The following U2AF2 variants were observed in gnomAD, a reference collection of about 807,000 sequenced individuals.
U2AF2 encodes splicing factor U2AF 65 kDa subunit.
U2AF2 carries 6 observed loss-of-function variants against 52.6 expected under a neutral mutation model. The ratio of observed to expected loss-of-function variants is 0.11; its 90% CI spans 0.06 to 0.23. The LOEUF (loss-of-function observed/expected upper bound fraction) is 0.23. Among genes scored for constraint, U2AF2 ranks in the 10% least tolerant of loss-of-function variants. The pLI is 1.00. For synonymous variants in U2AF2, 284 were observed against 258.2 expected (o/e 1.10, Z -0.96); for missense variants, 222 against 677.1 (o/e 0.33, Z 7.46).
intron 1 of U2AF2, among the ~76,000 whole-genome samples, chr19:55,656,854 T>TGCTTAGAGAGGAGGGTCTTCC (rs1281633671): frequency 2.0e-5 from 3 of 152,224 alleles, no homozygotes; most frequent in Non-Finnish European, 2.9e-5. Context: ...TAAAATTCCA[T>TGCTTAGAGAGGAGGGTCTTCC]GCTTAGAGAG....
In U2AF2 at chr19:55,668,795, G is replaced by A. The variant is rs1480967661; in HGVS notation, c.945+3G>A. 1 of 1,610,486 alleles carries A rather than the reference G, an allele frequency of 6.2e-7. No individual in the cohort carries two copies. Among genetic ancestry groups the A allele is most frequent in the South Asian group, 1.1e-5 (1 of 90,966 alleles). ...TGGACATCAACGTCACGGATCAGGT[G>A]AGTCCCCGGTCGCTGGCCGCTGCCG... is the stretch of plus-strand genomic sequence containing the variant. On this transcript the variant is annotated splice_donor_region_variant and intron_variant, in intron 9 of 11. Transcript: ENST00000308924. The surrounding 1 kb of genome is among the most constrained non-coding windows in gnomAD (Gnocchi z 5.5).
chr19:55,668,631 C>T lies in U2AF2; in HGVS notation c.823-39C>T. 1 of 1,600,162 alleles carries T rather than the reference C, an allele frequency of 6.2e-7. No homozygotes were observed. The highest frequency in any genetic ancestry group is 1.3e-5 in the African/African-American group (1 of 74,688). On this transcript the variant is annotated intron_variant, in intron 8 of 11. Transcript: ENST00000308924. This position sits in a 1 kb window ranked among gnomAD's most constrained non-coding sequence, Gnocchi z 5.5. ...CCAGACCCGTCCCCCCACCCCGCCC[C>T]ACCTCATCCCAGCCCTGATGGACTC... is the stretch of plus-strand genomic sequence containing the variant.
chr19:55,665,078 T>A lies in U2AF2; in HGVS notation c.742+1334T>A, dbSNP rs377286405. 3.9e-5 allele frequency among the ~76,000 whole-genome samples: 6 copies of A among 152,346 alleles called. No homozygotes were observed. The South Asian group carries it at 1.2e-3, about 32-fold the overall frequency. The stretch of plus-strand genomic sequence containing the variant: ...CTAACCTTTTGGAGCCTGTAATATA[T>A]GTTGACATGCTCCCAATCGACATGG... On this transcript the variant is annotated intron_variant, in intron 7 of 11. Coordinates refer to ENST00000308924, the MANE Select transcript of U2AF2 (RefSeq NM_007279.3).
intron 1 of U2AF2, among the ~76,000 whole-genome samples, chr19:55,656,063 G>T (rs935479824): frequency 1.3e-5 from 2 of 152,192 alleles, no homozygotes; most frequent in African/African-American, 4.8e-5. Context: ...TGGGAGGCAG[G>T]TTCCCTTCAG....
At position 55,668,499 on chromosome 19, in the gene U2AF2, A is replaced by T. The variant is rs747372534; in HGVS notation, c.743-8A>T. Reference sequence around the variant, plus strand: ...TGGAATTGAAGTCCTCCTCTTCTCTACCCATAGGGGTTGTGTCCACTGTGG... The same window carrying T: ...TGGAATTGAAGTCCTCCTCTTCTCTTCCCATAGGGGTTGTGTCCACTGTGG... On this transcript the variant is annotated splice_region_variant and splice_polypyrimidine_tract_variant and intron_variant, in intron 7 of 11. Coordinates refer to ENST00000308924, the MANE Select transcript of U2AF2 (RefSeq NM_007279.3). This position sits in a 1 kb window ranked among gnomAD's most constrained non-coding sequence, Gnocchi z 5.5. 4 of 1,585,954 alleles carry T rather than the reference A, an allele frequency of 2.5e-6. No homozygotes were observed. In the South Asian group the frequency reaches 4.6e-5, roughly 18 times the overall value.
At chr19:55,666,848 G>A (rs554190207) in intron 7 of U2AF2, among the ~76,000 whole-genome samples, 4 of 152,356 alleles carry the variant, frequency 2.6e-5, no homozygotes, top group African/African-American at 9.6e-5. Flanking sequence ...GGCAGAGCCT[G>A]CAGCCTGCCA....
chr19:55,673,527 C>T (rs912344124), intron 11 of U2AF2, among the ~76,000 whole-genome samples: 5 of 152,170 alleles, frequency 3.3e-5, no homozygotes, highest in African/African-American at 1.2e-4. Flanking sequence ...AATTTCTGAG[C>T]TTCCCTTAGT....
At chr19:55,659,137 C>A in intron 1 of U2AF2, 73 bp from the exon 2 acceptor site, 1 of 1,425,152 alleles carries the variant, frequency 7.0e-7, no homozygotes, top group Non-Finnish European at 9.3e-7. Flanking sequence ...GACATAGCCA[C>A]CAGCGCGCAG....
Position 55,660,501 on chromosome 19 carries a change from T to TCCC in U2AF2, c.231-14_231-12dup. 4.6e-6 allele frequency: 2 copies of TCCC among 438,256 alleles called. No homozygotes were observed. Among genetic ancestry groups the TCCC allele is most frequent in the Non-Finnish European group, 7.9e-6 (2 of 254,448 alleles). 27.1% of individuals were successfully genotyped at this position (438,256 alleles called of 1,614,324 possible). A position where few individuals can be genotyped will look rare whatever the true frequency, so the allele number is the denominator to read the frequency against. ...GAGGTTGCCCTGCCCCGCTCTCCCC[T>TCCC]CCCACCTCCCCCAGTCGTTCCCCCC... is the stretch of plus-strand genomic sequence containing the variant. On this transcript the variant is annotated splice_polypyrimidine_tract_variant and intron_variant, in intron 3 of 11. Transcript: ENST00000308924.
chr19:55,655,829 C>G (rs1983758330), intron 1 of U2AF2, among the ~76,000 whole-genome samples: 1 of 152,238 alleles, frequency 6.6e-6, no homozygotes, highest in African/African-American at 2.4e-5. Flanking sequence ...CATCTGCATT[C>G]TTTGAGTGTC....
chr19:55,665,923 G>T (rs964633443), intron 7 of U2AF2, among the ~76,000 whole-genome samples: 2 of 152,178 alleles, frequency 1.3e-5, no homozygotes, highest in African/African-American at 2.4e-5. Flanking sequence ...GATTATAGGC[G>T]TGAGCCACTG....
intron 6 of U2AF2, among the ~76,000 whole-genome samples, chr19:55,663,221 G>T (rs1298672975): frequency 6.6e-6 from 1 of 152,148 alleles, no homozygotes. Flanking sequence ...CCTCACTGCA[G>T]TCCACTTGCA....
chr19:55,662,525 C>T lies in U2AF2; in HGVS notation c.510C>T (p.Asn170=), dbSNP rs137890921. 158 of 1,373,402 alleles carry T rather than the reference C, an allele frequency of 1.2e-4. No homozygotes were observed. Among genetic ancestry groups the T allele is most frequent in the South Asian group, 2.4e-4 (21 of 87,696 alleles). 85.1% of individuals were successfully genotyped at this position (1,373,402 alleles called of 1,614,324 possible). ...ITEEAMMDFF[N]AQMRLGGLTQ... is the part of the protein sequence containing the mutation. ...AGGAGGCCATGATGGATTTCTTCAA[C>T]GCCCAGATGCGCCTGGGGGGGCTGA... Residue 170 remains asparagine, a synonymous_variant, in exon 6 of 12, where the codon AAC becomes AAT. Coordinates refer to ENST00000308924, the MANE Select transcript of U2AF2 (RefSeq NM_007279.3).
At chr19:55,660,684 A>G (rs1984125658) in intron 4 of U2AF2, 65 bp downstream of exon 4, 7 of 1,464,896 alleles carry the variant, frequency 4.8e-6, no homozygotes, top group African/African-American at 1.4e-5. Flanking sequence ...TCCGTCAGTC[A>G]TTCCCCTGCG....
At chr19:55,663,423 G>T (rs574066513) in intron 6 of U2AF2, among the ~76,000 whole-genome samples, 183 bp from the exon 7 acceptor site, 1 of 152,124 alleles carries the variant, frequency 6.6e-6, no homozygotes, top group Admixed American at 6.5e-5. Context: ...TTTAATGGTC[G>T]AGTGTGAGCT....
chr19:55,660,520 T>TTCCC lies in U2AF2; in HGVS notation c.235_236insTCCC (p.Ser79PhefsTer13). 1 of 932,990 alleles carries TTCCC rather than the reference T, an allele frequency of 1.1e-6. No individual in the cohort carries two copies. The highest frequency in any genetic ancestry group is 1.5e-5 in the South Asian group (1 of 67,048). The allele number at this position is 932,990 out of a possible 1,614,324, so 57.8% of individuals were successfully genotyped here. ...CTCCCCTCCCACCTCCCCCAGTCGT[T>TTCCC]CCCCCCGCCACGAGAAGAAGAAGAA... On this transcript the variant is annotated frameshift_variant, in exon 4 of 12. Transcript: ENST00000308924. LOFTEE classifies it high-confidence loss of function.
At chr19:55,655,265 C>G (rs965229382) in intron 1 of U2AF2, 112 bp downstream of exon 1, 1 of 1,219,506 alleles carries the variant, frequency 8.2e-7, no homozygotes, top group Non-Finnish European at 1.1e-6. Flanking sequence ...CGCGGCGCCC[C>G]CCAACCCTGG....
intron 7 of U2AF2, chr19:55,664,187 T>G (rs897801792): frequency 5.8e-6 from 1 of 172,500 alleles, no homozygotes; most frequent in Admixed American, 6.1e-5. Context: ...TTGCCTTGAA[T>G]CTTGTGTTCT....
At chr19:55,665,577 G>A (rs1266265862) in intron 7 of U2AF2, among the ~76,000 whole-genome samples, 3 of 152,168 alleles carry the variant, frequency 2.0e-5, no homozygotes, top group Non-Finnish European at 2.9e-5. Context: ...CTCCATGCAC[G>A]GCAGTTCTAC....
Sources: gnomAD v4.1 joint callset for allele counts (sites outside exome capture counted in the v4.1 genomes callset) on GRCh38, gnomAD v4.1.1 for gene constraint, Gnocchi (gnomAD v3.1) non-coding constraint, MANE v1.5 for transcripts, NCBI Gene and HGNC (gene_info 2026-07-23, HGNC 2026-07-21) for gene names.